The following KLHL32 variants were observed in gnomAD, a reference collection of about 807,000 sequenced individuals.
The protein encoded by KLHL32 is kelch like family member 32, also known as kelch-like protein 32.
A neutral mutation model predicts 64.8 loss-of-function variants in KLHL32; 35 were observed. The ratio of observed to expected loss-of-function variants is 0.54; its 90% CI spans 0.41 to 0.72. The LOEUF (loss-of-function observed/expected upper bound fraction) is 0.72, where lower values mean the gene tolerates loss of function less well. KLHL32 is among the 30% of genes least tolerant of loss of function. The pLI, the probability that KLHL32 is intolerant of heterozygous loss-of-function variation, is 0.00. For synonymous variants in KLHL32, 259 were observed against 281.0 expected (o/e 0.92, Z 0.78); for missense variants, 589 against 768.5 (o/e 0.77, Z 2.76).
chr6:97,087,077 T>C (rs527781697), intron 6 of KLHL32, among the ~76,000 whole-genome samples: 160 of 152,272 alleles, frequency 1.1e-3, no homozygotes, highest in African/African-American at 3.8e-3. Context: ...TTACTAATAT[T>C]ATAATGTAGA....
the KLHL32 span, among the ~76,000 whole-genome samples, chr6:96,917,653 T>G: frequency 7.9e-3 from 1,203 of 152,302 alleles, 27 homozygotes; most frequent in African/African-American, 0.028. Flanking sequence ...CCTCTGGTAT[T>G]CAGGCATGTT....
At chr6:97,055,145 C>T (rs866306930) in intron 4 of KLHL32, among the ~76,000 whole-genome samples, 4 of 152,158 alleles carry the variant, frequency 2.6e-5, no homozygotes, top group African/African-American at 7.2e-5. Context: ...TGCTTTCCTC[C>T]TCTTCTTGAT....
At chr6:97,063,500 A>G (rs1789241733) in intron 4 of KLHL32, among the ~76,000 whole-genome samples, 1 of 152,168 alleles carries the variant, frequency 6.6e-6, no homozygotes, top group South Asian at 2.1e-4. Context: ...ATGTAGGTAG[A>G]TAGGTTGGTA....
chr6:97,009,940 G>C (rs1780153512), intron 3 of KLHL32, among the ~76,000 whole-genome samples: 1 of 152,070 alleles, frequency 6.6e-6, no homozygotes, highest in African/African-American at 2.4e-5. Context: ...GGACTGAGGG[G>C]CATTGTCAGT....
At chr6:97,003,875 C>T (rs1241569194) in intron 3 of KLHL32, among the ~76,000 whole-genome samples, 1 of 152,118 alleles carries the variant, frequency 6.6e-6, no homozygotes. Flanking sequence ...CAATATCATG[C>T]TGTTTTGGTT....
chr6:97,062,911 C>T (rs7774012), intron 4 of KLHL32, among the ~76,000 whole-genome samples: 6,403 of 152,264 alleles, frequency 0.042, 180 homozygotes, highest in East Asian at 0.086. Flanking sequence ...GGGAAGGTAT[C>T]TCAGGTAAGA....
At chr6:96,957,426 ATATGT>A (rs1283174990) in intron 1 of KLHL32, among the ~76,000 whole-genome samples, 1 of 152,194 alleles carries the variant, frequency 6.6e-6, no homozygotes, top group Non-Finnish European at 1.5e-5. Flanking sequence ...TTATAAAGTA[ATATGT>A]TATTTATCAT....
rs527790782 is a variant in KLHL32, at chr6:97,031,201, G to T, written c.205-10291G>T. On this transcript the variant is annotated intron_variant, in intron 3 of 10. Coordinates refer to ENST00000369261, the MANE Select transcript of KLHL32 (RefSeq NM_052904.4). ...CCAAGTTCTTCCTTATCACCAAGTG[G>T]TATCCAATGAGGCTCTTCCTAATTG... 9.2e-5 allele frequency among the ~76,000 whole-genome samples: 14 copies of T among 152,188 alleles called. No homozygotes were observed. The South Asian group carries it at 2.9e-3, about 32-fold the overall frequency.
intron 5 of KLHL32, 102 bp downstream of exon 5, chr6:97,064,828 G>T: frequency 2.2e-6 from 2 of 926,352 alleles, no homozygotes; most frequent in Non-Finnish European, 3.5e-6. Flanking sequence ...TAAAGTGGGG[G>T]TGGGGTGTGG....
At chr6:97,069,473 A>G (rs980070148) in intron 5 of KLHL32, among the ~76,000 whole-genome samples, 1 of 149,594 alleles carries the variant, frequency 6.7e-6, no homozygotes, top group African/African-American at 2.5e-5. Context: ...TCTGAGAAGC[A>G]CTAGATTCTT....
At chr6:97,029,458 C>T (rs1356669071) in intron 3 of KLHL32, among the ~76,000 whole-genome samples, 1 of 151,902 alleles carries the variant, frequency 6.6e-6, no homozygotes, top group African/African-American at 2.4e-5. Flanking sequence ...ATTTGTGTTG[C>T]CTAATTATAT....
chr6:96,932,896 T>C (rs1770116065), intron 1 of KLHL32, among the ~76,000 whole-genome samples: 1 of 152,192 alleles, frequency 6.6e-6, no homozygotes, highest in Admixed American at 6.5e-5. Flanking sequence ...GATTTCTGTG[T>C]TTCATGCTGT....
At chr6:96,912,585 C>T in the KLHL32 span, among the ~76,000 whole-genome samples, 1 of 152,082 alleles carries the variant, frequency 6.6e-6, no homozygotes, top group Non-Finnish European at 1.5e-5. Flanking sequence ...CTTCAGTTTC[C>T]TCTTAAGTAA....
At chr6:96,975,409 A>C (rs1174975319) in intron 2 of KLHL32, among the ~76,000 whole-genome samples, 4 of 152,216 alleles carry the variant, frequency 2.6e-5, no homozygotes, top group African/African-American at 9.6e-5. Flanking sequence ...ACAATTTCCG[A>C]AGTTTAATAA....
intron 3 of KLHL32, among the ~76,000 whole-genome samples, chr6:96,996,046 C>T (rs1778386581): frequency 6.6e-6 from 1 of 152,238 alleles, no homozygotes; most frequent in Non-Finnish European, 1.5e-5. Context: ...CCTCTTCTCC[C>T]TGCTTCCTTG....
intron 3 of KLHL32, chr6:97,010,272 C>G (rs1255005774): frequency 6.6e-6 from 1 of 151,430 alleles, no homozygotes; most frequent in African/African-American, 2.4e-5. Context: ...AGAGGTAAGA[C>G]AGCAGTTGCA....
At chr6:97,090,679 A>G (rs1050496215) in intron 6 of KLHL32, among the ~76,000 whole-genome samples, 3 of 152,274 alleles carry the variant, frequency 2.0e-5, no homozygotes, top group African/African-American at 4.8e-5. Context: ...CAATACTATT[A>G]AAATACTTCC....
intron 1 of KLHL32, among the ~76,000 whole-genome samples, chr6:96,948,831 C>T (rs1772225179): frequency 1.3e-5 from 2 of 152,088 alleles, no homozygotes; most frequent in African/African-American, 4.8e-5. Flanking sequence ...TCACCCAAGC[C>T]TATTGACTGA....
intron 1 of KLHL32, among the ~76,000 whole-genome samples, chr6:96,956,073 A>G (rs952745194): frequency 6.6e-6 from 1 of 152,218 alleles, no homozygotes; most frequent in African/African-American, 2.4e-5. Flanking sequence ...CACGTCTCAT[A>G]TGGTGGCAGA....
Sources: allele counts gnomAD v4.1 joint callset (sites outside exome capture counted in the v4.1 genomes callset), GRCh38; gene constraint gnomAD v4.1.1; transcripts MANE v1.5; gene names NCBI Gene and HGNC (gene_info 2026-07-23, HGNC 2026-07-21).